SHLD3: variants seen among roughly 807,000 people sequenced by gnomAD.
SHLD3 encodes the protein REV7-interacting novel NHEJ regulator 1.
In SHLD3, 15 loss-of-function variants were observed where a neutral mutation model predicts 21.4. The observed-to-expected ratio is 0.70, with a 90% CI of 0.47 to 1.08. The LOEUF is 1.08. SHLD3 is among the 50% of genes least tolerant of loss of function. The probability of loss-of-function intolerance (pLI) is 0.00; values close to 1 mark genes in which losing one functional copy is unlikely to be tolerated. For synonymous variants in SHLD3, 103 were observed against 97.2 expected (o/e 1.06, Z -0.35); for missense variants, 273 against 286.1 (o/e 0.95, Z 0.33).
chr5:65,627,175 A>C (rs1338778976), intron 1 of SHLD3, among the ~76,000 whole-genome samples: 2 of 149,408 alleles, frequency 1.3e-5, no homozygotes, highest in Non-Finnish European at 3.0e-5. Flanking sequence ...AAGCAGCCTA[A>C]ACGGACAAGT....
chr5:65,629,486 T>G lies in SHLD3; in HGVS notation c.-102T>G. On this transcript the variant is annotated 5_prime_UTR_variant, in exon 2 of 2. The change creates a new upstream start codon in the 5' untranslated region. Transcript: ENST00000510585. The stretch of plus-strand genomic sequence containing the variant: ...ACTTTAGGTCCTGTTTCCCTCTGAT[T>G]TGGCAAGAGAGACAATCTTGCAATA... The G allele has an allele frequency of 7.0e-7, 1 of 1,431,420 alleles. No homozygotes were observed. Among genetic ancestry groups the G allele is most frequent in the Non-Finnish European group, 9.1e-7 (1 of 1,097,746 alleles). The allele number at this position is 1,431,420 out of a possible 1,614,324, so 88.7% of individuals were successfully genotyped here.
At chr5:65,627,333 A>AAGTTC (rs200109451) in intron 1 of SHLD3, among the ~76,000 whole-genome samples, 3,699 of 152,076 alleles carry the variant, frequency 0.024, 74 homozygotes, top group Admixed American at 0.056. Context: ...GTGGTCATTT[A>AAGTTC]AGTTCACTTT....
At position 65,630,492 on chromosome 5, in the gene SHLD3, A is replaced by G; in HGVS notation, c.*152A>G. 9 of 1,351,044 alleles carry G rather than the reference A, an allele frequency of 6.7e-6. No homozygotes were observed. The highest frequency in any genetic ancestry group is 8.5e-6 in the Non-Finnish European group (9 of 1,057,046). The allele number at this position is 1,351,044 out of a possible 1,614,324, so 83.7% of individuals were successfully genotyped here. A position where few individuals can be genotyped will look rare whatever the true frequency, so the allele number is the denominator to read the frequency against. On this transcript the variant is annotated 3_prime_UTR_variant, in exon 2 of 2. Coordinates refer to ENST00000510585, the MANE Select transcript of SHLD3 (RefSeq NM_001365341.2). ...GTCAAGAAATTGCTGAGTTCTGCTT[A>G]TTGGCAGCCTTCTTTTAAATGTGAT...
At chr5:65,625,216 C>T (rs1056980418) in intron 1 of SHLD3, 110 bp downstream of exon 1, 22 of 918,188 alleles carry the variant, frequency 2.4e-5, no homozygotes, top group Non-Finnish European at 3.5e-5. Flanking sequence ...TGCTCGCCCT[C>T]CTGCTCTGTC....
intron 1 of SHLD3, among the ~76,000 whole-genome samples, chr5:65,626,510 G>T (rs1205586458): frequency 3.9e-5 from 6 of 152,000 alleles, no homozygotes; most frequent in Non-Finnish European, 8.8e-5. Flanking sequence ...AGGCCAAGGC[G>T]GGTGATCACA....
intron 1 of SHLD3, 160 bp downstream of exon 1, chr5:65,625,266 C>T: frequency 1.5e-6 from 1 of 648,092 alleles, no homozygotes; most frequent in Non-Finnish European, 2.8e-6. Flanking sequence ...CTCCTGGATG[C>T]TTTTTAGGTT....
chr5:65,630,059 G>T lies in SHLD3; in HGVS notation c.472G>T (p.Ala158Ser). The T allele has an allele frequency of 6.5e-7, 1 of 1,536,026 alleles. No individual in the cohort carries two copies. The highest frequency in any genetic ancestry group is 8.7e-7 in the Non-Finnish European group (1 of 1,146,876). Residue 158 changes from alanine (A) to serine (S), a missense_variant, in exon 2 of 2, where the codon GCA (alanine) becomes TCA (serine). Ala to Ser is a moderately conservative substitution (Grantham distance 99). Coordinates refer to ENST00000510585, the MANE Select transcript of SHLD3 (RefSeq NM_001365341.2). ...TAAAAAATTGCAAGATAGTTTAAAG[G>T]CACTAAATTTACACTCACTTTATAG... Reference protein sequence around the residue: ...LSKKLQDSLKALNLHSLYRAR... With the variant: ...LSKKLQDSLKSLNLHSLYRAR...
At chr5:65,629,043 T>C (rs1755397762) in intron 1 of SHLD3, among the ~76,000 whole-genome samples, 2 of 152,150 alleles carry the variant, frequency 1.3e-5, no homozygotes, top group Non-Finnish European at 2.9e-5. Flanking sequence ...GAATTTACAG[T>C]GATTTCATTG....
intron 1 of SHLD3, chr5:65,625,592 A>G (rs184519347): frequency 2.1e-3 from 326 of 153,662 alleles, no homozygotes; most frequent in Middle Eastern, 6.7e-3. Context: ...GTTTACTTCA[A>G]ATCACTGTGT....
intron 1 of SHLD3, among the ~76,000 whole-genome samples, chr5:65,626,544 T>A (rs1201314289): frequency 3.3e-5 from 5 of 152,106 alleles, no homozygotes; most frequent in Non-Finnish European, 5.9e-5. Context: ...AAGACCATCC[T>A]GGCTAACATA....
Position 65,630,256 on chromosome 5 carries a change from G to A in SHLD3, c.669G>A (p.Val223=). ...GTGATATTATGTATTGTGAATATGT[G>A]GGAAGTCTTCTTAAAGGAAGATTAG... The part of the protein sequence containing the change: ...VFCDIMYCEY[V]GSLLKGRLAL... Residue 223 remains valine, a synonymous_variant, in exon 2 of 2, where the codon GTG becomes GTA. Transcript: ENST00000510585. 6.5e-7 allele frequency: 1 copy of A among 1,535,586 alleles called. No individual in the cohort carries two copies. The highest frequency in any genetic ancestry group is 1.2e-5 in the South Asian group (1 of 84,022).
chr5:65,626,358 A>G (rs775585710), intron 1 of SHLD3, among the ~76,000 whole-genome samples: 3 of 152,196 alleles, frequency 2.0e-5, no homozygotes, highest in Non-Finnish European at 4.4e-5. Context: ...CTCAGAGATA[A>G]TTCCTCTACC....
intron 1 of SHLD3, 172 bp downstream of exon 1, chr5:65,625,278 A>C (rs1755157455): frequency 3.2e-6 from 2 of 618,542 alleles, no homozygotes; most frequent in Non-Finnish European, 5.8e-6. Context: ...TTTTAGGTTT[A>C]TGGGCCCCTT....
In SHLD3 at chr5:65,629,505, T is replaced by A; in HGVS notation, c.-83T>A. The A allele has an allele frequency of 6.9e-7, 1 of 1,439,816 alleles. No homozygotes were observed. Among genetic ancestry groups the A allele is most frequent in the South Asian group, 1.5e-5 (1 of 66,106 alleles). The allele number at this position is 1,439,816 out of a possible 1,614,324, so 89.2% of individuals were successfully genotyped here. On this transcript the variant is annotated 5_prime_UTR_variant, in exon 2 of 2. Coordinates refer to ENST00000510585, the MANE Select transcript of SHLD3 (RefSeq NM_001365341.2). ...TCTGATTTGGCAAGAGAGACAATCT[T>A]GCAATAATAAATTAACATTCTAGCT...
chr5:65,627,973 G>A (rs1019332799), intron 1 of SHLD3, among the ~76,000 whole-genome samples: 1 of 152,114 alleles, frequency 6.6e-6, no homozygotes, highest in African/African-American at 2.4e-5. Context: ...CCTAGCAGTG[G>A]GAGAACCCTC....
chr5:65,625,877 A>C (rs1300998733), intron 1 of SHLD3: 1 of 152,246 alleles, frequency 6.6e-6, no homozygotes. Context: ...AGCTGAGGAA[A>C]TGCTCAATAA....
rs1313280414 is a variant in SHLD3 at position 65,629,807 on chromosome 5, A to G, written c.220A>G (p.Ile74Val). The G allele has an allele frequency of 3.3e-6, 5 of 1,536,078 alleles. No individual in the cohort carries two copies. The highest frequency in any genetic ancestry group is 4.4e-6 in the Non-Finnish European group (5 of 1,146,862). The change falls in exon 2 of 2, where the codon ATT becomes GTT. Residue 74 changes from isoleucine to valine, a missense_variant. Ile to Val is a conservative substitution (Grantham distance 29, BLOSUM62 3). Transcript: ENST00000510585. ...TGAAGATGTGAAACAGTACTTAACC[A>G]TTTCAGAACATGATGCTAAGTCACA... ...AAEDVKQYLTISEHDAKSHSY... is the reference protein window; with the variant it reads ...AAEDVKQYLTVSEHDAKSHSY...
intron 1 of SHLD3, among the ~76,000 whole-genome samples, chr5:65,627,167 G>C: frequency 1.1e-5 from 1 of 93,358 alleles, no homozygotes; most frequent in Admixed American, 1.1e-4. Context: ...AGAACAATAA[G>C]CAGCCTAAAC....
In SHLD3 at chr5:65,628,668, C is replaced by T. The variant is rs187798791; in HGVS notation, c.-120-800C>T. On this transcript the variant is annotated intron_variant, in intron 1 of 1. Coordinates refer to ENST00000510585, the MANE Select transcript of SHLD3 (RefSeq NM_001365341.2). ...TGTATCTTTAGTAGAGCCGGAGTTTCACCATGTTGGCCAGGCTGGTCTCAA... is the reference window on the plus strand; with the variant it reads ...TGTATCTTTAGTAGAGCCGGAGTTTTACCATGTTGGCCAGGCTGGTCTCAA... 9.9e-5 allele frequency among the ~76,000 whole-genome samples: 15 copies of T among 151,940 alleles called. No individual in the cohort carries two copies. In the East Asian group the frequency reaches 1.7e-3, roughly 18 times the overall value.
Sources: gnomAD v4.1 joint callset for allele counts (sites outside exome capture counted in the v4.1 genomes callset) on GRCh38, gnomAD v4.1.1 for gene constraint, MANE v1.5 for transcripts, NCBI Gene and HGNC (gene_info 2026-07-23, HGNC 2026-07-21) for gene names.